Variants in ATP10B observed in about 807,000 individuals in gnomAD.
The protein encoded by ATP10B is phospholipid-transporting ATPase VB.
ATP10B carries 122 observed loss-of-function variants against 141.2 expected under a neutral mutation model. That is an observed-to-expected ratio of 0.86 (90% CI 0.75 to 1.00). The LOEUF is 1.00. ATP10B is among the 50% of genes least tolerant of loss of function. ATP10B has a pLI of 0.00. For missense variants in ATP10B, 1,876 were observed against 1,825.3 expected (o/e 1.03, Z -0.51); for synonymous variants, 685 against 692.0 (o/e 0.99, Z 0.16).
At chr5:160,659,890 C>T (rs1301175008) in intron 7 of ATP10B, among the ~76,000 whole-genome samples, 3 of 152,076 alleles carry the variant, frequency 2.0e-5, no homozygotes, top group Non-Finnish European at 2.9e-5. Flanking sequence ...TAATCAGGTA[C>T]GTCAGAACTG....
intron 1 of ATP10B, among the ~76,000 whole-genome samples, chr5:160,841,487 C>G (rs1214342146): frequency 6.6e-6 from 1 of 152,088 alleles, no homozygotes; most frequent in Admixed American, 6.6e-5. Flanking sequence ...TGTCACTTTT[C>G]TGAGCATATG....
chr5:160,598,675 C>A, intron 22 of ATP10B, 95 bp downstream of exon 22: 1 of 1,139,290 alleles, frequency 8.8e-7, no homozygotes, highest in Non-Finnish European at 1.3e-6. Flanking sequence ...GGCTTCTGAC[C>A]CCAGCATACA....
At chr5:160,907,246 G>C in the ATP10B span, among the ~76,000 whole-genome samples, 1 of 151,652 alleles carries the variant, frequency 6.6e-6, no homozygotes, top group African/African-American at 2.4e-5. Flanking sequence ...TTTCTAGATA[G>C]AGCCTGTTTC....
intron 1 of ATP10B, among the ~76,000 whole-genome samples, chr5:160,827,310 C>T (rs1214842363): frequency 6.6e-6 from 1 of 152,156 alleles, no homozygotes; most frequent in Non-Finnish European, 1.5e-5. Flanking sequence ...TCTCTTCAAC[C>T]TTGCCTGCAT....
In ATP10B at chr5:160,851,977, G is replaced by A. The variant is rs1379619945; in HGVS notation, c.-612C>T. 1 of 152,166 alleles carries A rather than the reference G, an allele frequency of 6.6e-6. No homozygotes were observed. Among genetic ancestry groups the A allele is most frequent in the Non-Finnish European group, 1.5e-5 (1 of 68,036 alleles). The allele number at this position is 152,166 out of a possible 1,614,324, so 9.4% of individuals were successfully genotyped here. On this transcript the variant is annotated 5_prime_UTR_variant, in exon 1 of 26. Transcript: ENST00000327245. Reference sequence around the variant, plus strand: ...TGACGTCCCTATTGAGCAGACTCCAGTAGAAGAAAACAGTGCTTGAAAGTG... The same window carrying A: ...TGACGTCCCTATTGAGCAGACTCCAATAGAAGAAAACAGTGCTTGAAAGTG...
intron 1 of ATP10B, among the ~76,000 whole-genome samples, chr5:160,806,570 A>G (rs1772785050): frequency 6.6e-6 from 1 of 152,202 alleles, no homozygotes; most frequent in African/African-American, 2.4e-5. Flanking sequence ...TCTTGGGAAG[A>G]TGATCTTTAT....
At chr5:160,636,459 G>T in intron 10 of ATP10B, 150 bp from the exon 11 acceptor site, 2 of 715,068 alleles carry the variant, frequency 2.8e-6, no homozygotes, top group African/African-American at 1.8e-5. Flanking sequence ...GTGTGTGTGT[G>T]TTTGTGTATG....
the ATP10B span, among the ~76,000 whole-genome samples, chr5:160,911,608 G>A: frequency 6.6e-6 from 1 of 152,210 alleles, no homozygotes; most frequent in Non-Finnish European, 1.5e-5. Flanking sequence ...CCAAGCATGT[G>A]TGAGTCTGCT....
intron 3 of ATP10B, among the ~76,000 whole-genome samples, chr5:160,693,774 G>C (rs916909981): frequency 6.6e-6 from 1 of 152,150 alleles, no homozygotes; most frequent in Admixed American, 6.5e-5. Flanking sequence ...TAGATCCCTC[G>C]CATGCACAAT....
At chr5:160,815,654 C>T (rs532409945) in intron 1 of ATP10B, among the ~76,000 whole-genome samples, 10 of 152,252 alleles carry the variant, frequency 6.6e-5, no homozygotes, top group Admixed American at 3.9e-4. Context: ...CAGCTCTGCA[C>T]CAAGTGGACC....
chr5:160,649,108 G>C, intron 8 of ATP10B, 63 bp downstream of exon 8: 1 of 1,236,220 alleles, frequency 8.1e-7, no homozygotes, highest in East Asian at 2.3e-5. Context: ...GTCATTTCTA[G>C]ACAATATATT....
intron 1 of ATP10B, among the ~76,000 whole-genome samples, chr5:160,841,667 A>G (rs1159872123): frequency 6.6e-6 from 1 of 152,190 alleles, no homozygotes; most frequent in Admixed American, 6.5e-5. Context: ...TAACTAACCC[A>G]ATTAATACAG....
chr5:160,604,639 T>C (rs1276789341), intron 19 of ATP10B, among the ~76,000 whole-genome samples: 11 of 152,220 alleles, frequency 7.2e-5, no homozygotes, highest in Non-Finnish European at 1.5e-4. Context: ...TTTTGAAATA[T>C]ATTTAGTCAC....
chr5:160,777,377 AATAG>A lies in ATP10B; in HGVS notation c.-331+8178_-331+8181del, dbSNP rs143882688. 6.6e-3 allele frequency among the ~76,000 whole-genome samples: 1,000 copies of A among 152,290 alleles called. 11 individuals are homozygous for A. The highest frequency in any genetic ancestry group is 0.023 in the African/African-American group (954 of 41,548). ...CTCAAGGCTGCCCTACCCTCCTATTAATAGATAAATCCTGCTGGCCAGTCCATGG... is the reference window on the plus strand; with the variant it reads ...CTCAAGGCTGCCCTACCCTCCTATTAATAAATCCTGCTGGCCAGTCCATGG... On this transcript the variant is annotated intron_variant, in intron 2 of 25. Coordinates refer to ENST00000327245, the MANE Select transcript of ATP10B (RefSeq NM_025153.3).
intron 3 of ATP10B, among the ~76,000 whole-genome samples, chr5:160,706,052 T>C (rs1764994350): frequency 6.6e-6 from 1 of 151,970 alleles, no homozygotes; most frequent in South Asian, 2.1e-4. Context: ...GATGGTAGAG[T>C]AGTCAGGACA....
chr5:160,673,341 G>A (rs7704644), intron 6 of ATP10B, among the ~76,000 whole-genome samples: 95,251 of 151,746 alleles, frequency 0.63, 30,890 homozygotes, highest in Middle Eastern at 0.77. Flanking sequence ...GGATGCTTTC[G>A]TACAGGCATG....
intron 2 of ATP10B, among the ~76,000 whole-genome samples, chr5:160,760,013 G>A (rs537102873): frequency 6.6e-6 from 1 of 152,232 alleles, no homozygotes; most frequent in South Asian, 2.1e-4. Context: ...CTTGGACTCT[G>A]TCTTTTACAT....
intron 2 of ATP10B, among the ~76,000 whole-genome samples, chr5:160,757,626 C>T (rs1424020581): frequency 3.3e-5 from 5 of 151,774 alleles, no homozygotes; most frequent in Non-Finnish European, 7.4e-5. Context: ...GTCTTCTGAG[C>T]CTTTTTTTAA....
the ATP10B span, among the ~76,000 whole-genome samples, chr5:160,922,964 T>C: frequency 2.6e-5 from 4 of 152,320 alleles, no homozygotes; most frequent in South Asian, 8.3e-4. Flanking sequence ...GGAAATAGGA[T>C]GGTTTTATTT....
Sources: gnomAD v4.1 joint callset for allele counts (sites outside exome capture counted in the v4.1 genomes callset) on GRCh38, gnomAD v4.1.1 for gene constraint, MANE v1.5 for transcripts, NCBI Gene and HGNC (gene_info 2026-07-23, HGNC 2026-07-21) for gene names.